The following ARID1B variants were observed in gnomAD, a reference collection of about 807,000 sequenced individuals.
ARID1B encodes the protein AT-rich interactive domain-containing protein 1B.
A neutral mutation model predicts 212.3 loss-of-function variants in ARID1B; 30 were observed. The ratio of observed to expected loss-of-function variants is 0.14; its 90% CI spans 0.11 to 0.19. The LOEUF is 0.19. Among genes scored for constraint, ARID1B ranks in the 10% least tolerant of loss-of-function variants. The probability of loss-of-function intolerance (pLI) is 1.00; values close to 1 mark genes in which losing one functional copy is unlikely to be tolerated. For synonymous variants in ARID1B, 1,402 were observed against 1,301.7 expected, an observed-to-expected ratio of 1.08 and a Z score of -1.66; for missense variants, 2,891 against 3,204.0, an observed-to-expected ratio of 0.90 and a Z score of 2.36.
chr6:156,817,086 A>G (rs564886319), intron 1 of ARID1B, among the ~76,000 whole-genome samples: 1 of 151,976 alleles, frequency 6.6e-6, no homozygotes, highest in Non-Finnish European at 1.5e-5. Context: ...TAATTAAAAA[A>G]AAAAAAGAAA....
chr6:157,207,712 A>G lies in ARID1B; in HGVS notation c.6940A>G (p.Ser2314Gly). 6.2e-7 allele frequency: 1 copy of G among 1,600,516 alleles called. No homozygotes were observed. The highest frequency in any genetic ancestry group is 8.6e-7 in the Non-Finnish European group (1 of 1,168,870). ...GCAGCCCCCGCCCCTGGAACCACCT[A>G]GCGTAGACATGATGTGCAGGGCGGC... ...HMQPPPLEPP[S>G]VDMMCRAAKA... Residue 2314 changes from serine (S) to glycine (G), a missense_variant, in exon 20 of 20, where the codon AGC becomes GGC. Physicochemically the swap from Ser to Gly is moderately conservative, Grantham distance 56 (BLOSUM62 0). Transcript: ENST00000636930. The surrounding 1 kb of genome is among the most constrained non-coding windows in gnomAD (Gnocchi z 8.5).
intron 4 of ARID1B, among the ~76,000 whole-genome samples, chr6:157,034,520 A>G (rs1781200330): frequency 6.6e-6 from 1 of 152,206 alleles, no homozygotes; most frequent in Non-Finnish European, 1.5e-5. Context: ...AAATATAGTT[A>G]TTGACTTTTC....
chr6:156,922,762 C>T (rs1790910934), intron 3 of ARID1B, among the ~76,000 whole-genome samples: 1 of 152,164 alleles, frequency 6.6e-6, no homozygotes, highest in Non-Finnish European at 1.5e-5. Context: ...ACAGATTCTC[C>T]TCCCAGACAA....
At chr6:156,936,089 TC>T (rs1792182116) in intron 4 of ARID1B, 1 of 152,858 alleles carries the variant, frequency 6.5e-6, no homozygotes, top group African/African-American at 2.4e-5. Flanking sequence ...ACGCCTGTAA[TC>T]CCAGCTCTTT....
chr6:156,778,775 C>G lies in ARID1B; in HGVS notation c.1095C>G (p.Pro365=), dbSNP rs971859263. The change falls in exon 1 of 20, where the codon CCC becomes CCG. Residue 365 remains proline, a synonymous_variant. Transcript: ENST00000636930. ...CCGGGGCCCCCGGCAGCATGGACCC[C>G]CTGCAGAACTCCCACGAAGGGTACC... ...AAAGAPGSMD[P]LQNSHEGYPN... is the part of the protein sequence containing the mutation. 2.8e-5 allele frequency: 43 copies of G among 1,515,120 alleles called. No individual in the cohort carries two copies. The highest frequency in any genetic ancestry group is 8.3e-5 in the Admixed American group (4 of 48,032). 93.9% of individuals were successfully genotyped at this position (1,515,120 alleles called of 1,614,324 possible).
chr6:157,158,236 C>A lies in ARID1B; in HGVS notation c.3090-8804C>A, dbSNP rs143015753. Among the ~76,000 whole-genome samples the A allele has an allele frequency of 5.2e-3, 785 of 152,314 alleles. 6 individuals carry two copies. Among genetic ancestry groups the A allele is most frequent in the African/African-American group, 0.018 (735 of 41,558 alleles). On this transcript the variant is annotated intron_variant, in intron 8 of 19. Coordinates refer to ENST00000636930, the MANE Select transcript of ARID1B (RefSeq NM_001374828.1). ...CTTGCAAGCCTTGCCTAAATTTTAACCCTAACTGAACAATGTTTGGCTTTA... is the reference window on the plus strand; with the variant it reads ...CTTGCAAGCCTTGCCTAAATTTTAAACCTAACTGAACAATGTTTGGCTTTA...
intron 12 of ARID1B, 77 bp from the exon 13 acceptor site, chr6:157,184,154 T>G (rs1202255108): frequency 7.4e-7 from 1 of 1,342,756 alleles, no homozygotes; most frequent in Non-Finnish European, 1.0e-6. Flanking sequence ...ACCAAGACAT[T>G]AAGTGCTTTT....
At chr6:156,943,530 C>T (rs1562500294) in intron 4 of ARID1B, 1 of 150,994 alleles carries the variant, frequency 6.6e-6, no homozygotes, top group East Asian at 1.9e-4. Flanking sequence ...TCCACAGGAC[C>T]GAAATTGTAC....
chr6:157,007,993 TA>T lies in ARID1B; in HGVS notation c.2247+72422del, dbSNP rs1779348794. The stretch of plus-strand genomic sequence containing the variant: ...GCCCAGCCTAGGAAGCCCTAAGTTT[TA>T]AAAACTTTTTAAAGTTTAAATTAAG... On this transcript the variant is annotated intron_variant, in intron 4 of 19. Transcript: ENST00000636930. 2.0e-5 allele frequency among the ~76,000 whole-genome samples: 3 copies of T among 152,348 alleles called. No homozygotes were observed. The South Asian group carries it at 6.2e-4, about 32-fold the overall frequency.
chr6:157,062,835 C>T (rs1020704666), intron 4 of ARID1B, among the ~76,000 whole-genome samples: 4 of 151,646 alleles, frequency 2.6e-5, no homozygotes, highest in African/African-American at 9.7e-5. Flanking sequence ...TCCCGAGCAG[C>T]TGGGATTATA....
chr6:157,020,186 T>C (rs931507828), intron 4 of ARID1B, among the ~76,000 whole-genome samples: 15 of 152,320 alleles, frequency 9.8e-5, no homozygotes, highest in African/African-American at 3.1e-4. Flanking sequence ...ATTAATAATA[T>C]TTAGAAAATA....
At chr6:157,124,108 C>A (rs1378385637) in intron 6 of ARID1B, among the ~76,000 whole-genome samples, 1 of 152,254 alleles carries the variant, frequency 6.6e-6, no homozygotes, top group East Asian at 1.9e-4. Flanking sequence ...TTCCTTCTCA[C>A]AACAGTCCTT....
chr6:157,131,683 ATGTTTTGTTT>A (rs536057563), intron 6 of ARID1B, among the ~76,000 whole-genome samples: 44 of 151,914 alleles, frequency 2.9e-4, no homozygotes, highest in African/African-American at 1.0e-3. Context: ...AGCCTTGATG[ATGTTTTGTTT>A]TGTTTTGTTT....
At chr6:157,100,316 C>A (rs1785972601) in intron 5 of ARID1B, among the ~76,000 whole-genome samples, 1 of 152,194 alleles carries the variant, frequency 6.6e-6, no homozygotes, top group South Asian at 2.1e-4. Flanking sequence ...GGCACACACA[C>A]CCCATGCTGA....
At chr6:157,133,552 G>A (rs1490887002) in intron 7 of ARID1B, among the ~76,000 whole-genome samples, 1 of 152,172 alleles carries the variant, frequency 6.6e-6, no homozygotes. Context: ...TGTCAAACTT[G>A]GGCTTTGTTG....
intron 3 of ARID1B, among the ~76,000 whole-genome samples, chr6:156,917,978 A>G (rs1448569544): frequency 2.0e-5 from 3 of 152,230 alleles, no homozygotes; most frequent in Non-Finnish European, 4.4e-5. Flanking sequence ...CACATGGGCA[A>G]TCATTTGGAA....
chr6:156,983,816 G>A (rs1321764520), intron 4 of ARID1B, among the ~76,000 whole-genome samples: 1 of 152,076 alleles, frequency 6.6e-6, no homozygotes, highest in Non-Finnish European at 1.5e-5. Context: ...TTTAAATCTG[G>A]TTTTGGTCTG....
In ARID1B at chr6:156,955,580, A is replaced by G. The variant is rs559165831; in HGVS notation, c.2247+20004A>G. Among the ~76,000 whole-genome samples the G allele has an allele frequency of 6.6e-6, 1 of 152,326 alleles. No individual in the cohort carries two copies. The highest frequency in any genetic ancestry group is 2.1e-4 in the South Asian group (1 of 4,828). ...TTGCTATTGACATAATTTTATCTTT[A>G]TCAAGTTTTCTACATGAGAGGAGAA... On this transcript the variant is annotated intron_variant, in intron 4 of 19. Coordinates refer to ENST00000636930, the MANE Select transcript of ARID1B (RefSeq NM_001374828.1). This position sits in a 1 kb window ranked among gnomAD's most constrained non-coding sequence, Gnocchi z 4.2.
At chr6:156,931,947 G>C (rs181999925) in intron 3 of ARID1B, among the ~76,000 whole-genome samples, 86 of 138,382 alleles carry the variant, frequency 6.2e-4, no homozygotes, top group African/African-American at 2.2e-3. Context: ...GGCAACGAGA[G>C]CAAGATTCCG....
Sources: allele counts gnomAD v4.1 joint callset (sites outside exome capture counted in the v4.1 genomes callset), GRCh38; gene constraint gnomAD v4.1.1; non-coding constraint Gnocchi (gnomAD v3.1); transcripts MANE v1.5; gene names NCBI Gene and HGNC (gene_info 2026-07-23, HGNC 2026-07-21).